DBT: variants seen among roughly 807,000 people sequenced by gnomAD.
DBT encodes dihydrolipoamide branched chain transacylase E2, also known as lipoamide acyltransferase component of branched-chain alpha-keto acid dehydrogenase complex, mitochondrial.
In DBT, 40 loss-of-function variants were observed where a neutral mutation model predicts 51.3. The observed-to-expected ratio is 0.78, with a 90% CI of 0.61 to 1.02. DBT has a LOEUF of 1.02. DBT is among the 50% of genes least tolerant of loss of function. The probability of loss-of-function intolerance (pLI) is 0.00; values close to 1 mark genes in which losing one functional copy is unlikely to be tolerated. For synonymous variants in DBT, 181 were observed against 190.4 expected (o/e 0.95, Z 0.41); for missense variants, 510 against 580.2 (o/e 0.88, Z 1.24).
chr1:100,216,075 G>A lies in DBT; in HGVS notation c.680C>T (p.Pro227Leu), dbSNP rs748504290. Residue 227 changes from proline to leucine, a missense_variant, in exon 6 of 11, where the codon CCA (proline) becomes CTA (leucine). Transcript: ENST00000370132. ...LPPSPKVEIM[P>L]PPPKPKDMTV... ...CATGTCTTTTGGCTTTGGTGGAGGT[G>A]GCATAATTTCAACTTTGGGTGAAGG... The A allele has an allele frequency of 1.9e-6, 3 of 1,613,384 alleles. No homozygotes were observed. In the South Asian group the frequency reaches 3.3e-5, roughly 18 times the overall value.
chr1:100,235,072 C>T (rs17122057), intron 3 of DBT, among the ~76,000 whole-genome samples: 6,132 of 152,192 alleles, frequency 0.04, 142 homozygotes, highest in South Asian at 0.055. Flanking sequence ...TGATTCATGA[C>T]TTTTGGTAAA....
rs546111185 is a variant in DBT at position 100,246,345 on chromosome 1, C to T, written c.51+3425G>A. On this transcript the variant is annotated intron_variant, in intron 1 of 10. Coordinates refer to ENST00000370132, the MANE Select transcript of DBT (RefSeq NM_001918.5). Reference sequence around the variant, plus strand: ...GAAATGAAACTGTTCACCAAAGTAGCGTATTAAGGAAATATTTAATAATAA... The same window carrying T: ...GAAATGAAACTGTTCACCAAAGTAGTGTATTAAGGAAATATTTAATAATAA... Among the ~76,000 whole-genome samples, 397 of 152,212 alleles carry T rather than the reference C, an allele frequency of 2.6e-3. 2 individuals carry two copies. The highest frequency in any genetic ancestry group is 8.8e-3 in the African/African-American group (364 of 41,526).
At chr1:100,235,859 A>C (rs1265429553) in intron 2 of DBT, among the ~76,000 whole-genome samples, 1 of 152,188 alleles carries the variant, frequency 6.6e-6, no homozygotes, top group African/African-American at 2.4e-5. Context: ...ACAAAGAGAG[A>C]CCCAGCTAGA....
At chr1:100,208,688 A>T (rs1414738455) in intron 8 of DBT, among the ~76,000 whole-genome samples, 1 of 151,690 alleles carries the variant, frequency 6.6e-6, no homozygotes, top group Non-Finnish European at 1.5e-5. Flanking sequence ...ACTTGAGCCC[A>T]GGAGTTAGAG....
chr1:100,198,887 C>T (rs757251289), intron 10 of DBT, among the ~76,000 whole-genome samples: 11 of 152,074 alleles, frequency 7.2e-5, no homozygotes, highest in Non-Finnish European at 1.0e-4. Context: ...CTCATGAGGA[C>T]AAGTCCCAGA....
At chr1:100,210,864 G>T in intron 7 of DBT, 93 bp from the exon 8 acceptor site, 1 of 1,578,748 alleles carries the variant, frequency 6.3e-7, no homozygotes, top group South Asian at 1.1e-5. Flanking sequence ...GAGGGAGAGA[G>T]AGAACTCTTA....
intron 7 of DBT, chr1:100,213,764 T>G: frequency 6.6e-7 from 1 of 1,505,444 alleles, no homozygotes; most frequent in South Asian, 1.4e-5. Context: ...GCTTCAGGAC[T>G]GTTTTGTAAA....
At chr1:100,215,747 G>T (rs1189007359) in intron 6 of DBT, among the ~76,000 whole-genome samples, 1 of 152,082 alleles carries the variant, frequency 6.6e-6, no homozygotes, top group African/African-American at 2.4e-5. Flanking sequence ...GCTTGAACCT[G>T]GGAGGCGGAG....
At chr1:100,230,372 G>C (rs1423579230) in intron 4 of DBT, among the ~76,000 whole-genome samples, 1 of 152,080 alleles carries the variant, frequency 6.6e-6, no homozygotes, top group Non-Finnish European at 1.5e-5. Context: ...CCCTCCAAAA[G>C]GAATAACGTC....
At chr1:100,213,469 C>T in intron 7 of DBT, 1 of 1,553,276 alleles carries the variant, frequency 6.4e-7, no homozygotes, top group Non-Finnish European at 8.9e-7. Flanking sequence ...TCTACAACAT[C>T]CACAGCTGGA....
chr1:100,243,633 C>G (rs898691278), intron 1 of DBT, among the ~76,000 whole-genome samples: 1 of 152,032 alleles, frequency 6.6e-6, no homozygotes, highest in Non-Finnish European at 1.5e-5. Context: ...CAGACATCAT[C>G]TTTACATTTA....
At chr1:100,231,016 C>A in intron 3 of DBT, 102 bp from the exon 4 acceptor site, 3 of 754,772 alleles carry the variant, frequency 4.0e-6, no homozygotes, top group Non-Finnish European at 7.0e-6. Flanking sequence ...ATTCATCTAG[C>A]CCAGCATTTA....
At chr1:100,235,929 T>G (rs1459363566) in intron 2 of DBT, among the ~76,000 whole-genome samples, 2 of 152,264 alleles carry the variant, frequency 1.3e-5, no homozygotes, top group Non-Finnish European at 2.9e-5. Context: ...TGAATTTATA[T>G]AACTATTCTT....
intron 4 of DBT, among the ~76,000 whole-genome samples, chr1:100,224,042 G>T (rs1663022914): frequency 6.6e-6 from 1 of 152,034 alleles, no homozygotes; most frequent in Non-Finnish European, 1.5e-5. Flanking sequence ...TGACCCTCTA[G>T]CTTTGAAAAG....
Position 100,240,791 on chromosome 1 carries a change from G to T in DBT, c.145C>A (p.His49Asn), listed in dbSNP as rs1396361504. 1 of 1,605,148 alleles carries T rather than the reference G, an allele frequency of 6.2e-7. No homozygotes were observed. Among genetic ancestry groups the T allele is most frequent in the South Asian group, 1.1e-5 (1 of 90,834 alleles). ...FFGYPSFKYS[H>N]PHHFLKTTAA... ...GTTGTTTTCAGGAAGTGATGTGGAT[G>T]ACTATACTTGAATGAAGGATAACCA... The change falls in exon 2 of 11, where the codon CAT becomes AAT. Residue 49 changes from histidine (H) to asparagine (N), a missense_variant. Physicochemically the swap from His to Asn is moderately conservative, Grantham distance 68 (BLOSUM62 1). Coordinates refer to ENST00000370132, the MANE Select transcript of DBT (RefSeq NM_001918.5).
chr1:100,221,288 A>G (rs1220039187), intron 4 of DBT, among the ~76,000 whole-genome samples: 1 of 152,212 alleles, frequency 6.6e-6, no homozygotes, highest in Non-Finnish European at 1.5e-5. Flanking sequence ...TTAACCAAGT[A>G]ATAAAATACC....
At chr1:100,215,037 C>CTTT (rs11431894) in intron 6 of DBT, 54 bp from the exon 7 acceptor site, 178 of 963,768 alleles carry the variant, frequency 1.8e-4, no homozygotes, top group Middle Eastern at 5.4e-4. Flanking sequence ...TCTCTTCATC[C>CTTT]TTTTTTTTTT....
At chr1:100,213,445 C>A in intron 7 of DBT, 1 of 1,569,248 alleles carries the variant, frequency 6.4e-7, no homozygotes, top group Non-Finnish European at 8.8e-7. Context: ...GGACACCCAC[C>A]CACCATCCCA....
intron 1 of DBT, among the ~76,000 whole-genome samples, chr1:100,242,036 C>A (rs1264749615): frequency 6.6e-6 from 1 of 151,838 alleles, no homozygotes; most frequent in East Asian, 1.9e-4. Flanking sequence ...AAAAAAATTT[C>A]AATGCTATTA....
Sources: gnomAD v4.1 joint callset for allele counts (sites outside exome capture counted in the v4.1 genomes callset) on GRCh38, gnomAD v4.1.1 for gene constraint, MANE v1.5 for transcripts, NCBI Gene and HGNC (gene_info 2026-07-23, HGNC 2026-07-21) for gene names.